Variants in THBS3 observed in about 807,000 individuals in gnomAD.
THBS3 encodes thrombospondin 3.
In THBS3, 78 loss-of-function variants were observed where a neutral mutation model predicts 118.3. The ratio of observed to expected loss-of-function variants is 0.66; its 90% CI spans 0.55 to 0.80. THBS3 has a LOEUF of 0.80. Ranked by LOEUF, THBS3 falls within the 30% of genes least tolerant of loss-of-function variation. The pLI, the probability that THBS3 is intolerant of heterozygous loss-of-function variation, is 0.00. For synonymous variants in THBS3, 427 were observed against 475.3 expected (o/e 0.90, Z 1.32); for missense variants, 1,057 against 1,247.4 (o/e 0.85, Z 2.30).
chr1:155,197,318 A>G lies in THBS3; in HGVS notation c.2500-105T>C, dbSNP rs1668839430. 2.6e-6 allele frequency: 4 copies of G among 1,540,732 alleles called. No individual in the cohort carries two copies. The South Asian group carries it at 4.8e-5, about 18-fold the overall frequency. ...GAAAGGGATTCAAGGCGGTCATGAA[A>G]ATGCCCTGGGGCCCCAGAGAGCCGG... On this transcript the variant is annotated intron_variant, in intron 20 of 22. Transcript: ENST00000368378. This position sits in a 1 kb window ranked among gnomAD's most constrained non-coding sequence, Gnocchi z 5.0.
In THBS3 at chr1:155,199,409, CAA is replaced by C. The variant is rs11355526; in HGVS notation, c.1880+393_1880+394del. Among the ~76,000 whole-genome samples the C allele has an allele frequency of 3.7e-3, 445 of 121,684 alleles. 3 individuals are homozygous for C. Among genetic ancestry groups the C allele is most frequent in the Middle Eastern group, 0.016 (3 of 188 alleles). 79.8% of individuals were successfully genotyped at this position (121,684 alleles called of 152,430 possible). ...TGGGCGACAGAGCAAGACTCCGTCT[CAA>C]AAAAAAAAAAAAAAGGATATACTAG... On this transcript the variant is annotated intron_variant, in intron 16 of 22. Transcript: ENST00000368378.
chr1:155,202,434 C>T lies in THBS3; in HGVS notation c.958-33G>A, dbSNP rs747338398. 18 of 1,608,448 alleles carry T rather than the reference C, an allele frequency of 1.1e-5. No homozygotes were observed. The highest frequency in any genetic ancestry group is 1.7e-4 in the Middle Eastern group (1 of 5,988). On this transcript the variant is annotated intron_variant, in intron 8 of 22. Coordinates refer to ENST00000368378, the MANE Select transcript of THBS3 (RefSeq NM_007112.5). This position sits in a 1 kb window ranked among gnomAD's most constrained non-coding sequence, Gnocchi z 5.5. Reference sequence around the variant, plus strand: ...CCAGATGAGAAGGCAGAGGTCAGGCCGCCCTCTGGGAAACTCAGGTCCCTG... The same window carrying T: ...CCAGATGAGAAGGCAGAGGTCAGGCTGCCCTCTGGGAAACTCAGGTCCCTG...
chr1:155,197,947 G>A lies in THBS3; in HGVS notation c.2254-19C>T, dbSNP rs995383448. ...CCATGCCCTGGGGTTGTATAGTAAA[G>A]AAAAAGCTGTGATGCAGGTGTGCTA... On this transcript the variant is annotated intron_variant, in intron 18 of 22. Coordinates refer to ENST00000368378, the MANE Select transcript of THBS3 (RefSeq NM_007112.5). The surrounding 1 kb of genome is among the most constrained non-coding windows in gnomAD (Gnocchi z 5.0). The A allele has an allele frequency of 9.3e-6, 15 of 1,614,046 alleles. No individual in the cohort carries two copies. Among genetic ancestry groups the A allele is most frequent in the Non-Finnish European group, 1.3e-5 (15 of 1,180,032 alleles).
chr1:155,205,168 G>T lies in THBS3; in HGVS notation c.435C>A (p.Cys145Ter), dbSNP rs781259726. The change falls in exon 3 of 23, where the codon TGC (cysteine) becomes TGA (stop). Residue 145 changes from cysteine (C) to a stop codon, truncating the protein, a stop_gained. Coordinates refer to ENST00000368378, the MANE Select transcript of THBS3 (RefSeq NM_007112.5). LOFTEE classifies it high-confidence loss of function. The stretch of plus-strand genomic sequence containing the variant: ...GGCCTGCATGTTGGTCACCCAGTTT[G>T]CAGTCCACGTAGAGATGTAGGGCAG... ...PSPALHLYVD[C>*]KLGDQHAGLP... The T allele has an allele frequency of 6.2e-7, 1 of 1,614,098 alleles. No homozygotes were observed. The highest frequency in any genetic ancestry group is 8.5e-7 in the Non-Finnish European group (1 of 1,180,056).
chr1:155,196,197 G>C, intron 21 of THBS3, 71 bp from the exon 22 acceptor site: 1 of 1,570,390 alleles, frequency 6.4e-7, no homozygotes, highest in East Asian at 2.3e-5. Context: ...CACCATGCCT[G>C]GGGCCTTGCT....
At chr1:155,203,059 T>C (rs770380044) in intron 7 of THBS3, 27 bp downstream of exon 7, 2 of 1,614,058 alleles carry the variant, frequency 1.2e-6, no homozygotes, top group Non-Finnish European at 8.5e-7. Context: ...CACGGTCATG[T>C]GGAGCCTCCC....
At chr1:155,208,729 CG>C, upstream of THBS3, 1 of 1,399,370 alleles carries the variant, frequency 7.1e-7, no homozygotes, top group Non-Finnish European at 9.3e-7. Flanking sequence ...CTCCGGCCGC[CG>C]CCACCGCCCC....
intron 16 of THBS3, 93 bp from the exon 17 acceptor site, chr1:155,198,695 C>T: frequency 1.5e-6 from 2 of 1,325,710 alleles, no homozygotes; most frequent in Non-Finnish European, 2.1e-6. Context: ...GCCTGCTCTC[C>T]ATACAATCAG....
rs1670364789 is a variant in THBS3 at position 155,205,141 on chromosome 1, A to T, written c.462T>A (p.Leu154=). 5 of 1,614,198 alleles carry T rather than the reference A, an allele frequency of 3.1e-6. No individual in the cohort carries two copies. The highest frequency in any genetic ancestry group is 3.4e-6 in the Non-Finnish European group (4 of 1,180,046). ...DCKLGDQHAG[L]PALAPIPPAE... ...CTGGAGGAATGGGGGCCAGTGCTGGAAGGCCTGCATGTTGGTCACCCAGTT... is the reference window on the plus strand; with the variant it reads ...CTGGAGGAATGGGGGCCAGTGCTGGTAGGCCTGCATGTTGGTCACCCAGTT... Residue 154 remains leucine (L), a synonymous_variant, in exon 3 of 23, where the codon CTT becomes CTA. Transcript: ENST00000368378.
At chr1:155,205,449 C>G (rs1174714421) in intron 2 of THBS3, 133 bp from the exon 3 acceptor site, 1 of 1,220,422 alleles carries the variant, frequency 8.2e-7, no homozygotes, top group African/African-American at 1.5e-5. Flanking sequence ...CTCTCAACAC[C>G]TTGTATTTAA....
Position 155,197,265 on chromosome 1 carries a change from G to T in THBS3, c.2500-52C>A. ...GTCAACTGCAGAACTGGAGTGAGGG[G>T]AGACAACAGGTCGGTAAGTGCAGGT... On this transcript the variant is annotated intron_variant, in intron 20 of 22. Transcript: ENST00000368378. The surrounding 1 kb of genome is among the most constrained non-coding windows in gnomAD (Gnocchi z 5.0). 6.3e-7 allele frequency: 1 copy of T among 1,596,622 alleles called. No homozygotes were observed. The highest frequency in any genetic ancestry group is 8.6e-7 in the Non-Finnish European group (1 of 1,166,132).
In THBS3 at chr1:155,204,965, G is replaced by T. The variant is rs1200531568; in HGVS notation, c.544-8C>A. 2 of 1,613,784 alleles carry T rather than the reference G, an allele frequency of 1.2e-6. No individual in the cohort carries two copies. The highest frequency in any genetic ancestry group is 1.3e-5 in the African/African-American group (1 of 74,900). On this transcript the variant is annotated splice_region_variant and splice_polypyrimidine_tract_variant and intron_variant, in intron 3 of 22. Transcript: ENST00000368378. ...CATAGATTCCACAAAGCCCTGGGGG[G>T]ATAGCAGCAGAGTAAGGTGGGAAGG...
At chr1:155,195,934 T>A in intron 22 of THBS3, 35 bp from the exon 23 acceptor site, 1 of 1,614,226 alleles carries the variant, frequency 6.2e-7, no homozygotes, top group Non-Finnish European at 8.5e-7. Context: ...TCAGAGGATG[T>A]GGCTCTCCCA....
chr1:155,200,580 G>A lies in THBS3; in HGVS notation c.1579C>T (p.Gln527Ter). The A allele has an allele frequency of 1.2e-6, 2 of 1,614,220 alleles. No homozygotes were observed. Among genetic ancestry groups the A allele is most frequent in the Non-Finnish European group, 1.7e-6 (2 of 1,180,034 alleles). Residue 527 changes from glutamine to a stop codon, truncating the protein, a stop_gained, in exon 14 of 23, where the codon CAG becomes TAG. Coordinates refer to ENST00000368378, the MANE Select transcript of THBS3 (RefSeq NM_007112.5). LOFTEE classifies it high-confidence loss of function. The stretch of plus-strand genomic sequence containing the variant: ...AATGAATCTGTATCTGAGTTCTGCT[G>A]GTCTTTGTTGGGGAACAGCCGGCAG... ...DNCRLFPNKD[Q>*]QNSDTDSFGD...
chr1:155,197,581 A>G lies in THBS3; in HGVS notation c.2381T>C (p.Phe794Ser), dbSNP rs571920415. ...GCCACTGTCTTGATAACTGAAGAGA[A>G]AGCCTGCGTAGTCATCATCAGTCAC... ...NTVTDDDYAG[F>S]LFSYQDSGRF... is the part of the protein sequence containing the mutation. Residue 794 changes from phenylalanine to serine, a missense_variant, in exon 20 of 23, where the codon TTT becomes TCT. Around this residue, in one of 3 missense-constraint regions of THBS3, gnomAD observed 307 missense variants for 326.1 expected, o/e 0.94. Transcript: ENST00000368378. This position sits in a 1 kb window ranked among gnomAD's most constrained non-coding sequence, Gnocchi z 5.0. 1.2e-6 allele frequency: 2 copies of G among 1,613,460 alleles called. No individual in the cohort carries two copies. Among genetic ancestry groups the G allele is most frequent in the African/African-American group, 1.3e-5 (1 of 74,800 alleles).
chr1:155,200,671 C>T, intron 13 of THBS3, 61 bp from the exon 14 acceptor site: 3 of 1,593,628 alleles, frequency 1.9e-6, no homozygotes, highest in Non-Finnish European at 2.6e-6. Context: ...TCATCTTGCA[C>T]CTACCTTGTC....
intron 4 of THBS3, among the ~76,000 whole-genome samples, chr1:155,204,262 T>C (rs1028679275): frequency 1.3e-5 from 2 of 152,102 alleles, no homozygotes; most frequent in Non-Finnish European, 2.9e-5. Context: ...CTCAGAGAAA[T>C]TGCTGGTGAC....
At chr1:155,207,189 C>T (rs1005853010) in intron 1 of THBS3, among the ~76,000 whole-genome samples, 1 of 152,234 alleles carries the variant, frequency 6.6e-6, no homozygotes, top group Non-Finnish European at 1.5e-5. Flanking sequence ...ATAAGAACAG[C>T]TGCCCACTGA....
Position 155,197,394 on chromosome 1 carries a change from A to T in THBS3, c.2499+69T>A. On this transcript the variant is annotated intron_variant, in intron 20 of 22. Transcript: ENST00000368378. The surrounding 1 kb of genome is among the most constrained non-coding windows in gnomAD (Gnocchi z 5.0). ...AGGGTTCCCAGTCAAGCAGTGGGGGAGGCCCTGGGGCTGCAGAGGAGAGCT... is the reference window on the plus strand; with the variant it reads ...AGGGTTCCCAGTCAAGCAGTGGGGGTGGCCCTGGGGCTGCAGAGGAGAGCT... 6.4e-7 allele frequency: 1 copy of T among 1,562,156 alleles called. No individual in the cohort carries two copies. The highest frequency in any genetic ancestry group is 8.7e-7 in the Non-Finnish European group (1 of 1,147,950).
Sources: gnomAD v4.1 joint callset for allele counts (sites outside exome capture counted in the v4.1 genomes callset) on GRCh38, gnomAD v4.1.1 for gene constraint, gnomAD v4.1.1 regional missense constraint, Gnocchi (gnomAD v3.1) non-coding constraint, MANE v1.5 for transcripts, NCBI Gene and HGNC (gene_info 2026-07-23, HGNC 2026-07-21) for gene names.